Variants in IQCM observed in about 807,000 individuals in gnomAD.
IQCM encodes the protein IQ domain-containing protein M.
In IQCM, 45 loss-of-function variants were observed where a neutral mutation model predicts 57.6. That is an observed-to-expected ratio of 0.78 (90% CI 0.62 to 1.00). IQCM has a LOEUF of 1.00. Ranked by LOEUF, IQCM falls within the 50% of genes least tolerant of loss-of-function variation. The pLI is 0.00. For missense variants in IQCM, 468 were observed against 511.6 expected (o/e 0.91, Z 0.82); for synonymous variants, 148 against 158.9 (o/e 0.93, Z 0.51).
intron 12 of IQCM, among the ~76,000 whole-genome samples, chr4:149,470,047 A>T (rs1471527131): frequency 6.6e-6 from 1 of 152,234 alleles, no homozygotes; most frequent in African/African-American, 2.4e-5. Flanking sequence ...CATCAATGCT[A>T]GGAAGAAACT....
At chr4:149,713,486 C>T (rs1445326010) in intron 5 of IQCM, among the ~76,000 whole-genome samples, 1 of 152,192 alleles carries the variant, frequency 6.6e-6, no homozygotes, top group Non-Finnish European at 1.5e-5. Flanking sequence ...AACACTAACA[C>T]TAACCCAAGT....
chr4:149,371,531 G>A (rs992287953), intron 13 of IQCM, among the ~76,000 whole-genome samples: 3 of 152,090 alleles, frequency 2.0e-5, no homozygotes, highest in African/African-American at 7.2e-5. Context: ...GCTCCATCAT[G>A]CCAGAAGGCT....
At chr4:149,617,008 A>G (rs971840492) in intron 8 of IQCM, among the ~76,000 whole-genome samples, 1 of 147,738 alleles carries the variant, frequency 6.8e-6, no homozygotes, top group African/African-American at 2.5e-5. Flanking sequence ...CCCAGGCTGG[A>G]GTACAATGGT....
rs1560779724 is a variant in IQCM, at chr4:149,368,970, ATATG to A, written c.1391-16908_1391-16905del. The stretch of plus-strand genomic sequence containing the variant: ...TGTATATATATACACGTGTATATAT[ATATG>A]TGTATATATATACACGTGTATATAT... On this transcript the variant is annotated intron_variant, in intron 13 of 13. Coordinates refer to ENST00000636793, the MANE Select transcript of IQCM (RefSeq NM_001363507.2). Among the ~76,000 whole-genome samples the A allele has an allele frequency of 6.2e-5, 3 of 48,488 alleles. 1 individual carries two copies. The East Asian group carries it at 1.6e-3, about 26-fold the overall frequency. The allele number at this position is 48,488 out of a possible 152,430, so 31.8% of individuals were successfully genotyped here. A position where few individuals can be genotyped will look rare whatever the true frequency, so the allele number is the denominator to read the frequency against.
In IQCM at chr4:149,356,720, T is replaced by C. The variant is rs1159198117; in HGVS notation, c.1391-4654A>G. On this transcript the variant is annotated intron_variant, in intron 13 of 13. Coordinates refer to ENST00000636793, the MANE Select transcript of IQCM (RefSeq NM_001363507.2). ...TTCTTTTGGCTTAGGATTGACTTGG[T>C]AATGCGGGCTCTTTTTTGGTTCCAT... Among the ~76,000 whole-genome samples, 22 of 152,178 alleles carry C rather than the reference T, an allele frequency of 1.4e-4. 1 individual carries two copies. Among genetic ancestry groups the C allele is most frequent in the African/African-American group, 4.8e-4 (20 of 41,540 alleles).
In IQCM at chr4:149,564,936, C is replaced by A. The variant is rs142282515; in HGVS notation, c.750-1046G>T. 2.0e-5 allele frequency among the ~76,000 whole-genome samples: 3 copies of A among 152,246 alleles called. No homozygotes were observed. The East Asian group carries it at 5.8e-4, about 29-fold the overall frequency. Reference sequence around the variant, plus strand: ...CTACCATTAACAGATTATCTGTAATCTTGGTAACCTTGTGTCAGCTTTTTC... The same window carrying A: ...CTACCATTAACAGATTATCTGTAATATTGGTAACCTTGTGTCAGCTTTTTC... On this transcript the variant is annotated intron_variant, in intron 9 of 13. Coordinates refer to ENST00000636793, the MANE Select transcript of IQCM (RefSeq NM_001363507.2).
intron 8 of IQCM, among the ~76,000 whole-genome samples, chr4:149,603,353 G>C (rs1454384647): frequency 1.3e-5 from 2 of 152,292 alleles, no homozygotes; most frequent in East Asian, 3.9e-4. Flanking sequence ...ACTGGAATCA[G>C]ATTAGGAATC....
At position 149,597,661 on chromosome 4, in the gene IQCM, G is replaced by A. The variant is rs577955211; in HGVS notation, c.682-9664C>T. On this transcript the variant is annotated intron_variant, in intron 8 of 13. Transcript: ENST00000636793. ...CTGCCTCAGCCTCCCAAAGTGCTAGGATTACAGGTGTGAGCCACTGCACTA... is the reference window on the plus strand; with the variant it reads ...CTGCCTCAGCCTCCCAAAGTGCTAGAATTACAGGTGTGAGCCACTGCACTA... 1.8e-3 allele frequency among the ~76,000 whole-genome samples: 279 copies of A among 152,278 alleles called. 1 individual carries two copies. The highest frequency in any genetic ancestry group is 6.5e-3 in the African/African-American group (269 of 41,572).
chr4:149,642,306 A>T (rs1026020363), intron 7 of IQCM, among the ~76,000 whole-genome samples: 1 of 152,162 alleles, frequency 6.6e-6, no homozygotes, highest in African/African-American at 2.4e-5. Flanking sequence ...AACATTGCAT[A>T]TATATAGCCA....
chr4:149,673,467 G>T (rs576697598), intron 7 of IQCM, among the ~76,000 whole-genome samples: 1 of 152,202 alleles, frequency 6.6e-6, no homozygotes, highest in South Asian at 2.1e-4. Flanking sequence ...TGCAGGGGTT[G>T]CAATCCTAGT....
intron 3 of IQCM, among the ~76,000 whole-genome samples, chr4:149,740,060 G>A (rs1767313065): frequency 6.6e-6 from 1 of 152,148 alleles, no homozygotes; most frequent in Non-Finnish European, 1.5e-5. Flanking sequence ...AGACCCAGGG[G>A]CTTAAAAACA....
At chr4:149,694,991 A>T (rs539500715) in intron 5 of IQCM, among the ~76,000 whole-genome samples, 7 of 152,358 alleles carry the variant, frequency 4.6e-5, no homozygotes, top group South Asian at 2.1e-4. Flanking sequence ...TAAAAATTTT[A>T]AAGTTTCAAA....
intron 13 of IQCM, among the ~76,000 whole-genome samples, chr4:149,401,944 A>G (rs1732644715): frequency 6.6e-6 from 1 of 151,846 alleles, no homozygotes; most frequent in Admixed American, 6.6e-5. Flanking sequence ...ACAAAACTAT[A>G]ATGTTCAATT....
intron 2 of IQCM, among the ~76,000 whole-genome samples, chr4:149,778,565 C>CA (rs1032254659): frequency 2.3e-4 from 35 of 151,812 alleles, no homozygotes; most frequent in Middle Eastern, 3.4e-3. Context: ...AGCAAAAACC[C>CA]AATTATTTGA....
At chr4:149,497,763 G>T (rs1742818532) in intron 12 of IQCM, among the ~76,000 whole-genome samples, 1 of 147,920 alleles carries the variant, frequency 6.8e-6, no homozygotes. Context: ...AAAAAAAAAA[G>T]GAAGAAAAAA....
At chr4:149,639,634 C>T (rs1248352022) in intron 7 of IQCM, among the ~76,000 whole-genome samples, 1 of 151,546 alleles carries the variant, frequency 6.6e-6, no homozygotes, top group Non-Finnish European at 1.5e-5. Flanking sequence ...TAAAGTTCAT[C>T]TTTAGGCCAG....
At chr4:149,809,062 C>T (rs1774326709) in intron 2 of IQCM, among the ~76,000 whole-genome samples, 1 of 152,098 alleles carries the variant, frequency 6.6e-6, no homozygotes, top group Admixed American at 6.6e-5. Flanking sequence ...TCAGCACCTG[C>T]AGAGAGTGTT....
At chr4:149,782,954 T>C (rs941226765) in intron 2 of IQCM, among the ~76,000 whole-genome samples, 3 of 152,174 alleles carry the variant, frequency 2.0e-5, no homozygotes, top group Non-Finnish European at 4.4e-5. Context: ...CTCTAAACAT[T>C]AGAGTGTTTC....
intron 7 of IQCM, among the ~76,000 whole-genome samples, chr4:149,646,735 G>A (rs1758668083): frequency 6.6e-6 from 1 of 152,190 alleles, no homozygotes; most frequent in African/African-American, 2.4e-5. Flanking sequence ...TGTAATCCCA[G>A]CGCTTTGGGA....
Sources: gnomAD v4.1 joint callset for allele counts (sites outside exome capture counted in the v4.1 genomes callset) on GRCh38, gnomAD v4.1.1 for gene constraint, MANE v1.5 for transcripts, NCBI Gene and HGNC (gene_info 2026-07-23, HGNC 2026-07-21) for gene names.